Variants in FGGY observed in about 807,000 individuals in gnomAD.
FGGY encodes the protein FGGY carbohydrate kinase domain-containing protein.
Under a neutral mutation model 71.3 loss-of-function variants are expected in FGGY, and 72 were observed. That is an observed-to-expected ratio of 1.01 (90% CI 0.84 to 1.23). The LOEUF (loss-of-function observed/expected upper bound fraction) is 1.23, where lower values mean the gene tolerates loss of function less well. FGGY is among the 50% of genes most tolerant of loss of function. The pLI, the probability that FGGY is intolerant of heterozygous loss-of-function variation, is 0.00. For missense variants in FGGY, 668 were observed against 682.3 expected, an observed-to-expected ratio of 0.98 and a Z score of 0.23; for synonymous variants, 251 against 250.3, an observed-to-expected ratio of 1.00 and a Z score of -0.02.
At chr1:59,418,277 A>T (rs186528513) in intron 5 of FGGY, among the ~76,000 whole-genome samples, 1 of 152,298 alleles carries the variant, frequency 6.6e-6, no homozygotes, top group Non-Finnish European at 1.5e-5. Context: ...GGCTTTGCTG[A>T]CTATATGATA....
intron 7 of FGGY, among the ~76,000 whole-genome samples, chr1:59,523,550 G>C (rs926479027): frequency 8.5e-5 from 13 of 152,282 alleles, no homozygotes; most frequent in Admixed American, 7.2e-4. Flanking sequence ...TGGGCATCTT[G>C]AGCATTGCCT....
chr1:59,640,032 A>G (rs1474204692), intron 11 of FGGY, among the ~76,000 whole-genome samples: 1 of 152,236 alleles, frequency 6.6e-6, no homozygotes, highest in African/African-American at 2.4e-5. Context: ...TATGCACCAA[A>G]AGGAACTTCT....
At chr1:59,507,684 A>ATTTTTTTTTTTTTT (rs561953004) in intron 6 of FGGY, among the ~76,000 whole-genome samples, 1,368 of 106,738 alleles carry the variant, frequency 0.013, 38 homozygotes, top group African/African-American at 0.029. Context: ...TGCTTGGCTA[A>ATTTTTTTTTTTTTT]TTTTTTTTTT....
At chr1:59,567,959 G>A (rs1571386057) in intron 8 of FGGY, among the ~76,000 whole-genome samples, 1 of 151,602 alleles carries the variant, frequency 6.6e-6, no homozygotes, top group South Asian at 2.1e-4. Flanking sequence ...TTCATCCTGT[G>A]TTCTAGCAGG....
At chr1:59,310,738 C>T (rs1428807363) in intron 1 of FGGY, among the ~76,000 whole-genome samples, 1 of 152,118 alleles carries the variant, frequency 6.6e-6, no homozygotes, top group African/African-American at 2.4e-5. Context: ...AGTGTGTGTT[C>T]CTATTTAAAT....
At chr1:59,456,461 T>G in intron 5 of FGGY, among the ~76,000 whole-genome samples, 1 of 151,454 alleles carries the variant, frequency 6.6e-6, no homozygotes, top group South Asian at 2.1e-4. Flanking sequence ...TTTTTTTTTT[T>G]TTTTTGAGAC....
chr1:59,644,933 C>T (rs982309755), intron 11 of FGGY, among the ~76,000 whole-genome samples: 6 of 151,130 alleles, frequency 4.0e-5, no homozygotes, highest in East Asian at 1.9e-4. Flanking sequence ...GCTGAGATCA[C>T]GCCACTGCAT....
intron 5 of FGGY, among the ~76,000 whole-genome samples, chr1:59,440,861 A>C (rs991003365): frequency 1.3e-5 from 2 of 151,650 alleles, no homozygotes; most frequent in Non-Finnish European, 2.9e-5. Flanking sequence ...GTGCGTTACC[A>C]AGTACAGAAG....
chr1:59,760,881 C>T (rs536697598), intron 15 of FGGY, among the ~76,000 whole-genome samples: 54 of 152,134 alleles, frequency 3.5e-4, no homozygotes, highest in Non-Finnish European at 6.9e-4. Context: ...AATTCCTTAC[C>T]GTTATATTGT....
chr1:59,638,198 C>T lies in FGGY; in HGVS notation c.1074-30C>T, dbSNP rs74086252. ...GATTTGCTCCCTGACCCTATCCCCC[C>T]TTTAAAAATAAAATTCACTTCTCTT... On this transcript the variant is annotated intron_variant, in intron 10 of 15. Coordinates refer to ENST00000303721, the MANE Select transcript of FGGY (RefSeq NM_018291.5). The T allele has an allele frequency of 6.6e-4, 1,066 of 1,606,974 alleles. 9 individuals are homozygous for T. In the African/African-American group the frequency reaches 0.012, roughly 19 times the overall value.
intron 7 of FGGY, among the ~76,000 whole-genome samples, chr1:59,519,777 T>A (rs932086893): frequency 2.6e-5 from 4 of 152,230 alleles, no homozygotes; most frequent in Admixed American, 6.5e-5. Context: ...AGAGGTTGTT[T>A]CCCCATTCTG....
chr1:59,612,980 C>T (rs974296407), intron 9 of FGGY, among the ~76,000 whole-genome samples: 2 of 152,156 alleles, frequency 1.3e-5, no homozygotes, highest in Admixed American at 6.5e-5. Context: ...AATACAGGAG[C>T]ACCCAGATTC....
At chr1:59,550,921 C>A (rs1185376614) in intron 7 of FGGY, among the ~76,000 whole-genome samples, 1 of 152,212 alleles carries the variant, frequency 6.6e-6, no homozygotes, top group Admixed American at 6.5e-5. Flanking sequence ...TGTTCTTCTA[C>A]TTCTGCATCT....
intron 5 of FGGY, among the ~76,000 whole-genome samples, chr1:59,385,644 T>A (rs1410687967): frequency 6.6e-6 from 1 of 152,062 alleles, no homozygotes; most frequent in African/African-American, 2.4e-5. Context: ...GTATAAATTC[T>A]CCCTCTAAAG....
chr1:59,703,348 A>T (rs2097726156), intron 14 of FGGY, among the ~76,000 whole-genome samples: 2 of 152,118 alleles, frequency 1.3e-5, no homozygotes, highest in African/African-American at 4.8e-5. Flanking sequence ...TTAAGCCCCC[A>T]CCACAATCCA....
At chr1:59,471,768 T>C in intron 6 of FGGY, among the ~76,000 whole-genome samples, 1 of 152,192 alleles carries the variant, frequency 6.6e-6, no homozygotes, top group Non-Finnish European at 1.5e-5. Flanking sequence ...TTTGGGGATC[T>C]CATGTCTACT....
chr1:59,302,416 C>T (rs991617070), intron 1 of FGGY, among the ~76,000 whole-genome samples: 13 of 151,948 alleles, frequency 8.6e-5, no homozygotes, highest in Admixed American at 1.3e-4. Flanking sequence ...GTCTAAATGC[C>T]GGTCAATGGT....
intron 9 of FGGY, among the ~76,000 whole-genome samples, chr1:59,624,765 G>T (rs747710923): frequency 9.2e-5 from 14 of 152,098 alleles, no homozygotes; most frequent in Non-Finnish European, 1.9e-4. Context: ...CAGTATGGGG[G>T]AAACTGCGCC....
intron 5 of FGGY, among the ~76,000 whole-genome samples, chr1:59,451,142 T>C (rs2072602335): frequency 6.6e-6 from 1 of 152,088 alleles, no homozygotes; most frequent in Non-Finnish European, 1.5e-5. Context: ...TGTTAATTTT[T>C]TCTTTATTCC....
Sources: gnomAD v4.1 joint callset for allele counts (sites outside exome capture counted in the v4.1 genomes callset) on GRCh38, gnomAD v4.1.1 for gene constraint, MANE v1.5 for transcripts, NCBI Gene and HGNC (gene_info 2026-07-23, HGNC 2026-07-21) for gene names.